Variants in UNC5C observed in about 807,000 individuals in gnomAD.
UNC5C encodes the protein unc-5 netrin receptor C, also known as netrin receptor UNC5C.
Under a neutral mutation model 99.8 loss-of-function variants are expected in UNC5C, and 47 were observed. The observed-to-expected ratio is 0.47, with a 90% CI of 0.37 to 0.60. UNC5C has a LOEUF of 0.60. Ranked by LOEUF, UNC5C falls within the 20% of genes least tolerant of loss-of-function variation. UNC5C has a pLI of 0.00. For missense variants in UNC5C, 1,062 were observed against 1,165.9 expected (o/e 0.91, Z 1.30); for synonymous variants, 487 against 452.2 (o/e 1.08, Z -0.98).
chr4:95,405,750 G>A (rs546517297), intron 1 of UNC5C, among the ~76,000 whole-genome samples: 1 of 152,252 alleles, frequency 6.6e-6, no homozygotes, highest in East Asian at 1.9e-4. Context: ...TTATTGCTGC[G>A]TGCCTGAACT....
At chr4:95,190,807 CTT>C (rs1737054133) in intron 12 of UNC5C, among the ~76,000 whole-genome samples, 1 of 152,214 alleles carries the variant, frequency 6.6e-6, no homozygotes, top group South Asian at 2.1e-4. Context: ...GGGAGGGCCT[CTT>C]TCCCCACTGC....
intron 1 of UNC5C, among the ~76,000 whole-genome samples, chr4:95,346,959 A>T (rs1320238096): frequency 6.6e-6 from 1 of 152,052 alleles, no homozygotes; most frequent in Non-Finnish European, 1.5e-5. Context: ...TCTAAACTGG[A>T]AAGAAAGAAG....
chr4:95,537,675 T>G (rs1207542813), intron 1 of UNC5C, among the ~76,000 whole-genome samples: 1 of 152,136 alleles, frequency 6.6e-6, no homozygotes, highest in Non-Finnish European at 1.5e-5. Context: ...GGGGAGATAA[T>G]ATGGGTGTGT....
At chr4:95,455,417 C>G (rs1747399824) in intron 1 of UNC5C, among the ~76,000 whole-genome samples, 1 of 152,052 alleles carries the variant, frequency 6.6e-6, no homozygotes, top group Non-Finnish European at 1.5e-5. Flanking sequence ...ACATAGAATC[C>G]CAACACTTTG....
intron 3 of UNC5C, among the ~76,000 whole-genome samples, chr4:95,284,217 G>T (rs1382646379): frequency 6.6e-6 from 1 of 151,678 alleles, no homozygotes; most frequent in African/African-American, 2.4e-5. Context: ...TCTGCTTTTT[G>T]ACAAAAAAAT....
intron 1 of UNC5C, among the ~76,000 whole-genome samples, chr4:95,368,901 G>T (rs1744659961): frequency 6.6e-6 from 1 of 151,898 alleles, no homozygotes; most frequent in Admixed American, 6.6e-5. Flanking sequence ...GTGTGTGTGT[G>T]TATGTGTGTG....
chr4:95,455,029 T>A (rs1378199575), intron 1 of UNC5C, among the ~76,000 whole-genome samples: 1 of 152,122 alleles, frequency 6.6e-6, no homozygotes, highest in South Asian at 2.1e-4. Flanking sequence ...TATACTGCTC[T>A]CTTAATGTTA....
At chr4:95,424,721 C>A (rs943863585) in intron 1 of UNC5C, among the ~76,000 whole-genome samples, 1 of 151,712 alleles carries the variant, frequency 6.6e-6, no homozygotes. Flanking sequence ...GACCAGGTTT[C>A]ACTGTGTTAG....
intron 1 of UNC5C, among the ~76,000 whole-genome samples, chr4:95,341,380 T>C (rs1272657439): frequency 6.6e-6 from 1 of 151,934 alleles, no homozygotes; most frequent in Non-Finnish European, 1.5e-5. Context: ...GATTTGTACG[T>C]ATTGACCTAG....
intron 1 of UNC5C, among the ~76,000 whole-genome samples, chr4:95,450,444 A>G (rs1747250259): frequency 6.6e-6 from 1 of 152,170 alleles, no homozygotes; most frequent in African/African-American, 2.4e-5. Flanking sequence ...TGTCTCAAGC[A>G]ATCCTTCTGG....
At chr4:95,418,460 A>T (rs1746230699) in intron 1 of UNC5C, among the ~76,000 whole-genome samples, 1 of 152,198 alleles carries the variant, frequency 6.6e-6, no homozygotes, top group Non-Finnish European at 1.5e-5. Context: ...AAGAAACAAA[A>T]TTAAGAAAGA....
chr4:95,178,072 A>G (rs553753291), intron 14 of UNC5C, among the ~76,000 whole-genome samples: 1 of 152,268 alleles, frequency 6.6e-6, no homozygotes, highest in Non-Finnish European at 1.5e-5. Context: ...GACCATGTGA[A>G]GTGCAGAATG....
intron 1 of UNC5C, among the ~76,000 whole-genome samples, chr4:95,395,757 AG>A (rs1429731387): frequency 6.6e-6 from 1 of 152,202 alleles, no homozygotes; most frequent in East Asian, 1.9e-4. Context: ...AGGCCAAAAA[AG>A]CTGTAGGGCA....
intron 1 of UNC5C, among the ~76,000 whole-genome samples, chr4:95,521,965 A>G (rs1319348578): frequency 6.6e-6 from 1 of 152,170 alleles, no homozygotes; most frequent in African/African-American, 2.4e-5. Flanking sequence ...TGAATATCAA[A>G]CTGAAAATAA....
At chr4:95,474,659 G>A (rs1273447636) in intron 1 of UNC5C, among the ~76,000 whole-genome samples, 1 of 151,966 alleles carries the variant, frequency 6.6e-6, no homozygotes, top group Non-Finnish European at 1.5e-5. Context: ...CAGATAATGT[G>A]GAAACAGAAA....
At chr4:95,501,367 A>G (rs996569173) in intron 1 of UNC5C, among the ~76,000 whole-genome samples, 2 of 152,076 alleles carry the variant, frequency 1.3e-5, no homozygotes, top group African/African-American at 4.8e-5. Flanking sequence ...CCACAAATAC[A>G]GTATTTACAC....
intron 9 of UNC5C, among the ~76,000 whole-genome samples, chr4:95,217,262 C>T (rs528542893): frequency 6.6e-6 from 1 of 152,296 alleles, no homozygotes; most frequent in South Asian, 2.1e-4. Context: ...TGCCTGACCA[C>T]ACTGGAAAGT....
intron 4 of UNC5C, among the ~76,000 whole-genome samples, chr4:95,277,852 G>T (rs1200464663): frequency 6.6e-6 from 1 of 152,162 alleles, no homozygotes; most frequent in African/African-American, 2.4e-5. Context: ...AAATACATAT[G>T]TAAGGTGCAC....
chr4:95,417,571 T>C (rs1302269392), intron 1 of UNC5C, among the ~76,000 whole-genome samples: 4 of 152,216 alleles, frequency 2.6e-5, no homozygotes, highest in Non-Finnish European at 4.4e-5. Flanking sequence ...CTTCAGTTCC[T>C]AAGCTAATTA....
Sources: allele counts gnomAD v4.1 joint callset (sites outside exome capture counted in the v4.1 genomes callset), GRCh38; gene constraint gnomAD v4.1.1; transcripts MANE v1.5; gene names NCBI Gene and HGNC (gene_info 2026-07-23, HGNC 2026-07-21).